FRMD4B: variants seen among roughly 807,000 people sequenced by gnomAD.
The protein encoded by FRMD4B is FERM domain containing 4B.
In FRMD4B, 74 loss-of-function variants were observed where a neutral mutation model predicts 141.5. The observed-to-expected ratio is 0.52, with a 90% confidence interval of 0.43 to 0.63. The LOEUF (loss-of-function observed/expected upper bound fraction) is 0.63. FRMD4B is among the 30% of genes least tolerant of loss of function. FRMD4B has a pLI of 0.00. For synonymous variants in FRMD4B, 506 were observed against 467.9 expected (o/e 1.08, Z -1.05); for missense variants, 1,366 against 1,253.4 (o/e 1.09, Z -1.36).
Position 69,192,114 on chromosome 3 carries a change from G to T in FRMD4B, c.1714+1534C>A, listed in dbSNP as rs567331373. 2.0e-5 allele frequency among the ~76,000 whole-genome samples: 3 copies of T among 152,288 alleles called. No homozygotes were observed. The South Asian group carries it at 6.2e-4, about 32-fold the overall frequency. On this transcript the variant is annotated intron_variant, in intron 17 of 22. Transcript: ENST00000398540. Reference sequence around the variant, plus strand: ...AAGAACTAACCCAAGGCTGGGCGTGGTGGCTCACACCTCAATCCTGGCAGT... The same window carrying T: ...AAGAACTAACCCAAGGCTGGGCGTGTTGGCTCACACCTCAATCCTGGCAGT...
At chr3:69,381,294 T>C (rs144856907) in intron 1 of FRMD4B, among the ~76,000 whole-genome samples, 175 of 152,316 alleles carry the variant, frequency 1.1e-3, no homozygotes, top group African/African-American at 4.1e-3. Flanking sequence ...TATGCCTTCC[T>C]AGCTTTGCTA....
chr3:69,233,031 C>T (rs1459547350), intron 7 of FRMD4B, among the ~76,000 whole-genome samples: 1 of 150,880 alleles, frequency 6.6e-6, no homozygotes, highest in Non-Finnish European at 1.5e-5. Context: ...GGATTACAGG[C>T]ATGAACCACC....
At chr3:69,502,363 T>G (rs974129438) in intron 1 of FRMD4B, among the ~76,000 whole-genome samples, 5 of 152,214 alleles carry the variant, frequency 3.3e-5, no homozygotes, top group Middle Eastern at 3.4e-3. Context: ...AACAGAGCCC[T>G]CAGAAATAAT....
intron 7 of FRMD4B, 33 bp from the exon 8 acceptor site, chr3:69,224,723 A>G (rs375585756): frequency 5.9e-6 from 6 of 1,021,302 alleles, no homozygotes; most frequent in South Asian, 5.6e-5. Context: ...AATGTCAGGT[A>G]CTGTTATCCA....
chr3:69,317,532 A>T (rs1701843131), intron 1 of FRMD4B, among the ~76,000 whole-genome samples: 1 of 152,074 alleles, frequency 6.6e-6, no homozygotes, highest in Non-Finnish European at 1.5e-5. Context: ...GGATCACTTG[A>T]GGTCAGAAGT....
chr3:69,232,533 T>A (rs2093315407), intron 7 of FRMD4B, among the ~76,000 whole-genome samples: 1 of 152,204 alleles, frequency 6.6e-6, no homozygotes, highest in Admixed American at 6.5e-5. Context: ...TTTCACAGGC[T>A]GTTTTTCTTT....
chr3:69,218,079 CA>C (rs1284040872), intron 10 of FRMD4B, among the ~76,000 whole-genome samples: 3 of 151,964 alleles, frequency 2.0e-5, no homozygotes, highest in African/African-American at 7.3e-5. Flanking sequence ...GAAAGGTGAC[CA>C]ACTGGAAAAA....
At chr3:69,450,529 G>A (rs1166416097) in intron 1 of FRMD4B, among the ~76,000 whole-genome samples, 1 of 152,228 alleles carries the variant, frequency 6.6e-6, no homozygotes, top group Non-Finnish European at 1.5e-5. Flanking sequence ...AAGGCAGGCA[G>A]ATCACCTGAG....
chr3:69,286,972 T>G (rs1194380903), intron 5 of FRMD4B, among the ~76,000 whole-genome samples: 5 of 152,078 alleles, frequency 3.3e-5, no homozygotes, highest in Admixed American at 2.0e-4. Context: ...GCCTAGCTAA[T>G]TTTTGTATTT....
chr3:69,385,252 C>T (rs1036631353), intron 1 of FRMD4B, among the ~76,000 whole-genome samples: 4 of 152,040 alleles, frequency 2.6e-5, no homozygotes, highest in African/African-American at 9.7e-5. Context: ...GGCCACCCCT[C>T]CCTTCCCCAG....
chr3:69,226,508 G>A (rs1169529409), intron 7 of FRMD4B, among the ~76,000 whole-genome samples: 1 of 150,884 alleles, frequency 6.6e-6, no homozygotes, highest in African/African-American at 2.4e-5. Context: ...GCAAATGCAT[G>A]CATGTATTCA....
At chr3:69,295,519 G>A (rs1575702427) in intron 4 of FRMD4B, among the ~76,000 whole-genome samples, 1 of 152,010 alleles carries the variant, frequency 6.6e-6, no homozygotes, top group Admixed American at 6.6e-5. Flanking sequence ...ACAGAGTTTC[G>A]CCATGATGCC....
rs548315253 is a variant in FRMD4B at position 69,170,376 on chromosome 3, T to C, written c.*1485A>G. The C allele has an allele frequency of 6.7e-6, 1 of 150,290 alleles. No individual in the cohort carries two copies. The highest frequency in any genetic ancestry group is 6.8e-5 in the Admixed American group (1 of 14,760). 9.3% of individuals were successfully genotyped at this position (150,290 alleles called of 1,614,324 possible). On this transcript the variant is annotated 3_prime_UTR_variant, in exon 23 of 23. Coordinates refer to ENST00000398540, the MANE Select transcript of FRMD4B (RefSeq NM_015123.3). ...GGTTATTTCTGATTCTAGAAGGCTA[T>C]ACAAATATGCAAAAAAGGAATAAGT...
intron 1 of FRMD4B, among the ~76,000 whole-genome samples, chr3:69,500,892 C>G (rs545156950): frequency 1.3e-5 from 2 of 152,280 alleles, no homozygotes; most frequent in South Asian, 4.1e-4. Flanking sequence ...GGGAAAGTCA[C>G]GCTCTCCACA....
chr3:69,270,715 G>A (rs938279428), intron 5 of FRMD4B, among the ~76,000 whole-genome samples: 4 of 151,868 alleles, frequency 2.6e-5, no homozygotes, highest in African/African-American at 9.7e-5. Flanking sequence ...ACAGGCGCCC[G>A]CCATCATGCC....
intron 1 of FRMD4B, among the ~76,000 whole-genome samples, chr3:69,339,699 C>T (rs1328199541): frequency 6.6e-6 from 1 of 152,138 alleles, no homozygotes; most frequent in Admixed American, 6.5e-5. Flanking sequence ...AACATTTCGA[C>T]TTGGGAGAGA....
At chr3:69,261,847 A>G (rs1423356420) in intron 5 of FRMD4B, among the ~76,000 whole-genome samples, 1 of 151,836 alleles carries the variant, frequency 6.6e-6, no homozygotes, top group Admixed American at 6.6e-5. Context: ...TAATTTTTGT[A>G]TTTTTAGTAG....
intron 1 of FRMD4B, among the ~76,000 whole-genome samples, chr3:69,485,133 T>C (rs916993857): frequency 5.9e-5 from 9 of 152,114 alleles, no homozygotes; most frequent in African/African-American, 2.2e-4. Flanking sequence ...ACCAAAGTCC[T>C]GAGGGGCCAG....
At chr3:69,408,421 C>T (rs1313547114) in intron 2 of FRMD4B, among the ~76,000 whole-genome samples, 1 of 152,174 alleles carries the variant, frequency 6.6e-6, no homozygotes, top group Admixed American at 6.5e-5. Flanking sequence ...TCTGAAAGTT[C>T]CGCCAATTGA....
Sources: allele counts gnomAD v4.1 joint callset (sites outside exome capture counted in the v4.1 genomes callset), GRCh38; gene constraint gnomAD v4.1.1; transcripts MANE v1.5; gene names NCBI Gene and HGNC (gene_info 2026-07-23, HGNC 2026-07-21).